CAMKK2: variants seen among roughly 807,000 people sequenced by gnomAD.
CAMKK2 encodes calcium/calmodulin-dependent protein kinase kinase 2.
A neutral mutation model predicts 67.2 loss-of-function variants in CAMKK2; 30 were observed. The observed-to-expected ratio is 0.45, with a 90% CI of 0.33 to 0.61. The LOEUF (loss-of-function observed/expected upper bound fraction) is 0.61. Among genes scored for constraint, CAMKK2 ranks in the 20% least tolerant of loss-of-function variants. CAMKK2 has a pLI of 0.02. For synonymous variants in CAMKK2, 322 were observed against 326.2 expected (o/e 0.99, Z 0.14); for missense variants, 643 against 802.0 (o/e 0.80, Z 2.39).
At chr12:121,271,475 A>T (rs1895772725) in intron 2 of CAMKK2, among the ~76,000 whole-genome samples, 1 of 149,808 alleles carries the variant, frequency 6.7e-6, no homozygotes, top group East Asian at 1.9e-4. Context: ...GTAACCACAC[A>T]CTGTGGACTC....
Position 121,274,479 on chromosome 12 carries a change from G to T in CAMKK2, c.48C>A (p.Pro16=), listed in dbSNP as rs767170144. ...SSQPSSNRAA[P]QDELGGRGSS... is the part of the protein sequence containing the mutation. ...TGCCCCTGCCCCCCAGCTCATCCTG[G>T]GGGGCGGCCCGGTTGCTGCTGGGCT... Residue 16 remains proline, a synonymous_variant, in exon 2 of 17, where the codon CCC becomes CCA. Coordinates refer to ENST00000404169, the MANE Select transcript of CAMKK2 (RefSeq NM_001270485.2). The T allele has an allele frequency of 6.2e-7, 1 of 1,612,656 alleles. No individual in the cohort carries two copies. Among genetic ancestry groups the T allele is most frequent in the Non-Finnish European group, 8.5e-7 (1 of 1,179,912 alleles).
At position 121,244,071 on chromosome 12, in the gene CAMKK2, G is replaced by A. The variant is rs201084726; in HGVS notation, c.1596+502C>T. ...ACAGCAAGAAGGTCTGCATCCACTCGGGTGAGGGAACTCTTACGTTACTTT... is the reference window on the plus strand; with the variant it reads ...ACAGCAAGAAGGTCTGCATCCACTCAGGTGAGGGAACTCTTACGTTACTTT... On this transcript the variant is annotated intron_variant, in intron 16 of 16. Transcript: ENST00000404169. The A allele has an allele frequency of 4.4e-5, 71 of 1,606,600 alleles. 1 individual carries two copies. The South Asian group carries it at 5.6e-4, about 13-fold the overall frequency.
At chr12:121,248,496 G>T in intron 14 of CAMKK2, 110 bp downstream of exon 14, 1 of 1,267,016 alleles carries the variant, frequency 7.9e-7, no homozygotes. Flanking sequence ...ATTAGGGGTG[G>T]CCCCCGGACA....
Position 121,245,158 on chromosome 12 carries a change from G to T in CAMKK2, c.1535C>A (p.Ala512Glu). 1 of 1,603,490 alleles carries T rather than the reference G, an allele frequency of 6.2e-7. No individual in the cohort carries two copies. The highest frequency in any genetic ancestry group is 1.1e-5 in the South Asian group (1 of 89,114). ...GSRREERSLSAPGNLLTKKPT... is the reference protein window; with the variant it reads ...GSRREERSLSEPGNLLTKKPT... ...CACTCACGTGAGCAAGTTTCCAGGC[G>T]CTGACAGTGAGCGTTCCTCCCGCCG... The change falls in exon 15 of 17, where the codon GCG becomes GAG. Residue 512 changes from alanine to glutamate, a missense_variant. By Grantham distance (107) the Ala-to-Glu change is moderately radical. Coordinates refer to ENST00000404169, the MANE Select transcript of CAMKK2 (RefSeq NM_001270485.2). The surrounding 1 kb of genome is among the most constrained non-coding windows in gnomAD (Gnocchi z 5.8).
rs55692571 is a variant in CAMKK2 at position 121,255,342 on chromosome 12, T to TTATATATATATAATTATATATATAATTA, written c.907+207_907+208insTAATTATATATATAATTATATATATATA. On this transcript the variant is annotated intron_variant, in intron 9 of 16. Transcript: ENST00000404169. ...TATATATATATAATTATATATAATT[T>TTATATATATATAATTATATATATAATTA]TATATATATAATTATATATATAATT... 1.6e-4 allele frequency among the ~76,000 whole-genome samples: 2 copies of TTATATATATATAATTATATATATAATTA among 12,388 alleles called. 1 individual carries two copies. Among genetic ancestry groups the TTATATATATATAATTATATATATAATTA allele is most frequent in the African/African-American group, 4.4e-4 (2 of 4,510 alleles). 8.1% of individuals were successfully genotyped at this position (12,388 alleles called of 152,430 possible).
intron 1 of CAMKK2, among the ~76,000 whole-genome samples, chr12:121,288,601 C>T (rs570678430): frequency 6.6e-6 from 1 of 152,222 alleles, no homozygotes; most frequent in Admixed American, 6.5e-5. Flanking sequence ...ACTGGTTCCC[C>T]ATTTAAACTT....
chr12:121,284,865 T>A (rs1298252840), intron 1 of CAMKK2, among the ~76,000 whole-genome samples: 5 of 152,202 alleles, frequency 3.3e-5, no homozygotes, highest in Admixed American at 1.3e-4. Flanking sequence ...GACATGGACA[T>A]GACTAACTCA....
chr12:121,289,210 C>T (rs962031028), intron 1 of CAMKK2, among the ~76,000 whole-genome samples: 9 of 151,478 alleles, frequency 5.9e-5, no homozygotes, highest in African/African-American at 2.2e-4. Flanking sequence ...AAAAACAAAG[C>T]AAAACTTTGG....
At chr12:121,274,642 A>AT in intron 1 of CAMKK2, 57 bp from the exon 2 acceptor site, 1 of 689,806 alleles carries the variant, frequency 1.4e-6, no homozygotes, top group Non-Finnish European at 2.4e-6. Context: ...ACAGGAAAGG[A>AT]TCCCCTCTCC....
rs1887810720 is a variant in CAMKK2 at position 121,237,937 on chromosome 12, C to T, written c.*2762G>A. On this transcript the variant is annotated 3_prime_UTR_variant, in exon 17 of 17. Coordinates refer to ENST00000404169, the MANE Select transcript of CAMKK2 (RefSeq NM_001270485.2). The surrounding 1 kb of genome is among the most constrained non-coding windows in gnomAD (Gnocchi z 4.5). ...TCTGCAGTCCCCAGAAACTCGGCCT[C>T]CAGCTGGAGAGGGGAACCAGCGTAC... is the stretch of plus-strand genomic sequence containing the variant. The T allele has an allele frequency of 6.6e-6, 1 of 152,638 alleles. No individual in the cohort carries two copies. The highest frequency in any genetic ancestry group is 2.4e-5 in the African/African-American group (1 of 41,454). The allele number at this position is 152,638 out of a possible 1,614,324, so 9.5% of individuals were successfully genotyped here.
intron 6 of CAMKK2, among the ~76,000 whole-genome samples, chr12:121,261,906 A>T (rs1437451700): frequency 6.6e-6 from 1 of 152,204 alleles, no homozygotes; most frequent in African/African-American, 2.4e-5. Context: ...CAGCACGGTG[A>T]CAAGTCCTTG....
At position 121,253,261 on chromosome 12, in the gene CAMKK2, G is replaced by A. The variant is rs988404654; in HGVS notation, c.1107+12C>T. 6.2e-7 allele frequency: 1 copy of A among 1,613,102 alleles called. No individual in the cohort carries two copies. Among genetic ancestry groups the A allele is most frequent in the Non-Finnish European group, 8.5e-7 (1 of 1,179,138 alleles). On this transcript the variant is annotated intron_variant, in intron 10 of 16. Coordinates refer to ENST00000404169, the MANE Select transcript of CAMKK2 (RefSeq NM_001270485.2). This position sits in a 1 kb window ranked among gnomAD's most constrained non-coding sequence, Gnocchi z 5.0. ...AGGCAGAACTCTGTGGCTGAGGCAG[G>A]CCCAAGCTTACCTTCCCAGAGAAGA...
At chr12:121,256,153 C>A (rs113291840) in intron 7 of CAMKK2, among the ~76,000 whole-genome samples, 2 of 152,166 alleles carry the variant, frequency 1.3e-5, no homozygotes, top group Admixed American at 1.3e-4. Flanking sequence ...CCGAGGTGGG[C>A]GAATCACCTG....
At chr12:121,276,656 T>C (rs1210396579) in intron 1 of CAMKK2, among the ~76,000 whole-genome samples, 1 of 151,870 alleles carries the variant, frequency 6.6e-6, no homozygotes, top group African/African-American at 2.4e-5. Flanking sequence ...CACTCCATGC[T>C]AATCACCCAC....
intron 2 of CAMKK2, 65 bp downstream of exon 2, chr12:121,273,991 C>T: frequency 8.2e-7 from 1 of 1,220,966 alleles, no homozygotes; most frequent in Non-Finnish European, 1.1e-6. Context: ...TCCACAGAGG[C>T]CCTGCTGGGG....
chr12:121,280,463 T>G (rs1451685077), intron 1 of CAMKK2, among the ~76,000 whole-genome samples: 2 of 152,166 alleles, frequency 1.3e-5, no homozygotes, highest in Admixed American at 6.5e-5. Context: ...CTGAGCACCT[T>G]GAAAAAAGAA....
chr12:121,245,631 G>A lies in CAMKK2; in HGVS notation c.1453-391C>T, dbSNP rs893100955. On this transcript the variant is annotated intron_variant, in intron 14 of 16. Transcript: ENST00000404169. The surrounding 1 kb of genome is among the most constrained non-coding windows in gnomAD (Gnocchi z 5.8). Reference sequence around the variant, plus strand: ...CCCCGGAAAGTTCTGGAGCAAGGACGTGAACCAGTCATTCTTGGTGATGCT... The same window carrying A: ...CCCCGGAAAGTTCTGGAGCAAGGACATGAACCAGTCATTCTTGGTGATGCT... Among the ~76,000 whole-genome samples the A allele has an allele frequency of 1.3e-5, 2 of 152,160 alleles. No individual in the cohort carries two copies. Among genetic ancestry groups the A allele is most frequent in the Non-Finnish European group, 2.9e-5 (2 of 68,024 alleles).
chr12:121,269,551 T>C lies in CAMKK2; in HGVS notation c.550A>G (p.Asn184Asp), dbSNP rs765340589. 1 of 1,607,884 alleles carries C rather than the reference T, an allele frequency of 6.2e-7. No individual in the cohort carries two copies. Among genetic ancestry groups the C allele is most frequent in the Non-Finnish European group, 8.5e-7 (1 of 1,176,638 alleles). Residue 184 changes from asparagine to aspartate, a missense_variant, in exon 4 of 17, where the codon AAT (asparagine) becomes GAT (aspartate). Asn to Asp is a conservative substitution (Grantham distance 23, BLOSUM62 1). Around this residue, in one of 3 missense-constraint regions of CAMKK2, gnomAD observed 483 missense variants for 625.8 expected, o/e 0.77. Coordinates refer to ENST00000404169, the MANE Select transcript of CAMKK2 (RefSeq NM_001270485.2). ...ACATAGTAGGTATTGTCATTTTCAT[T>C]GTAGGCCAACTTGACGACACCATAG... ...GSYGVVKLAY[N>D]ENDNTYYAMK...
intron 1 of CAMKK2, among the ~76,000 whole-genome samples, chr12:121,284,154 T>C (rs1898293107): frequency 6.6e-6 from 1 of 152,230 alleles, no homozygotes. Context: ...TCACTGAATG[T>C]CAGTGCAAAG....
Sources: allele counts gnomAD v4.1 joint callset (sites outside exome capture counted in the v4.1 genomes callset), GRCh38; gene constraint gnomAD v4.1.1; regional missense constraint gnomAD v4.1.1; non-coding constraint Gnocchi (gnomAD v3.1); transcripts MANE v1.5; gene names NCBI Gene and HGNC (gene_info 2026-07-23, HGNC 2026-07-21).